LASP1: variants seen among roughly 807,000 people sequenced by gnomAD.
LASP1 encodes LIM and SH3 domain protein 1.
In LASP1, 10 loss-of-function variants were observed where a neutral mutation model predicts 38.6. That is an observed-to-expected ratio of 0.26 (90% CI 0.16 to 0.44). LASP1 has a LOEUF of 0.44. Ranked by LOEUF, LASP1 falls within the 20% of genes least tolerant of loss-of-function variation. The pLI is 1.00. For synonymous variants in LASP1, 132 were observed against 140.8 expected, an observed-to-expected ratio of 0.94 and a Z score of 0.44; for missense variants, 243 against 375.7, an observed-to-expected ratio of 0.65 and a Z score of 2.92.
chr17:38,920,813 G>A lies in LASP1; in HGVS notation c.*2035G>A, dbSNP rs1038972486. On this transcript the variant is annotated 3_prime_UTR_variant, in exon 7 of 7. Transcript: ENST00000318008. ...GCTCGGGGAGGCAGAGAATCTCTTG[G>A]GAGTCTTGGGTGGCGCTGGTGCATT... 4.3e-6 allele frequency: 1 copy of A among 232,810 alleles called. No homozygotes were observed. Among genetic ancestry groups the A allele is most frequent in the African/African-American group, 2.2e-5 (1 of 45,280 alleles). 14.4% of individuals were successfully genotyped at this position (232,810 alleles called of 1,614,324 possible).
rs1915272860 is a variant in LASP1 at position 38,920,623 on chromosome 17, G to A, written c.*1845G>A. ...CCTGTTCAACAATCAGTCATCATGGGTGTTTTTGTCAACTGCTTGTTAATT... is the reference window on the plus strand; with the variant it reads ...CCTGTTCAACAATCAGTCATCATGGATGTTTTTGTCAACTGCTTGTTAATT... On this transcript the variant is annotated 3_prime_UTR_variant, in exon 7 of 7. Coordinates refer to ENST00000318008, the MANE Select transcript of LASP1 (RefSeq NM_006148.4). 1 of 234,270 alleles carries A rather than the reference G, an allele frequency of 4.3e-6. No individual in the cohort carries two copies. The highest frequency in any genetic ancestry group is 8.4e-6 in the Non-Finnish European group (1 of 118,452). The allele number at this position is 234,270 out of a possible 1,614,324, so 14.5% of individuals were successfully genotyped here.
At chr17:38,914,948 G>C in intron 5 of LASP1, 95 bp from the exon 6 acceptor site, 1 of 1,098,946 alleles carries the variant, frequency 9.1e-7, no homozygotes, top group Non-Finnish European at 1.4e-6. Context: ...GGTTGGGGGC[G>C]GGGTGGAAGT....
At chr17:38,915,175 C>A in intron 6 of LASP1, 29 bp downstream of exon 6, 3 of 1,587,606 alleles carry the variant, frequency 1.9e-6, no homozygotes, top group Non-Finnish European at 2.6e-6. Context: ...AGGGGAGAGG[C>A]CAGAGGCAGG....
At chr17:38,892,231 G>A (rs1446101785) in intron 3 of LASP1, among the ~76,000 whole-genome samples, 6 of 152,216 alleles carry the variant, frequency 3.9e-5, no homozygotes, top group East Asian at 3.8e-4. Context: ...GAGTGAATGC[G>A]GATCCAGGAT....
chr17:38,879,861 C>T (rs1183403796), intron 2 of LASP1, among the ~76,000 whole-genome samples: 1 of 152,140 alleles, frequency 6.6e-6, no homozygotes, highest in Non-Finnish European at 1.5e-5. Context: ...AAATCTCAAG[C>T]CCAAGAAGCA....
intron 2 of LASP1, among the ~76,000 whole-genome samples, chr17:38,880,021 A>C (rs1598105281): frequency 6.7e-6 from 1 of 149,188 alleles, no homozygotes; most frequent in African/African-American, 2.5e-5. Flanking sequence ...AACCCCTCCC[A>C]CCCCCACAAG....
At chr17:38,888,262 C>G (rs755535364) in intron 2 of LASP1, among the ~76,000 whole-genome samples, 1 of 151,892 alleles carries the variant, frequency 6.6e-6, no homozygotes, top group Non-Finnish European at 1.5e-5. Flanking sequence ...TAGTCCTGCA[C>G]CAGCTTCAAT....
intron 3 of LASP1, among the ~76,000 whole-genome samples, 200 bp from the exon 4 acceptor site, chr17:38,898,212 A>G (rs1375354976): frequency 2.6e-5 from 4 of 152,182 alleles, no homozygotes; most frequent in African/African-American, 9.7e-5. Flanking sequence ...CTGTGCACCA[A>G]AGACTTGGTA....
In LASP1 at chr17:38,920,099, C is replaced by T; in HGVS notation, c.*1321C>T. 3 of 536,838 alleles carry T rather than the reference C, an allele frequency of 5.6e-6. No homozygotes were observed. Among genetic ancestry groups the T allele is most frequent in the Non-Finnish European group, 1.1e-5 (3 of 276,738 alleles). The allele number at this position is 536,838 out of a possible 1,614,324, so 33.3% of individuals were successfully genotyped here. On this transcript the variant is annotated 3_prime_UTR_variant, in exon 7 of 7. Coordinates refer to ENST00000318008, the MANE Select transcript of LASP1 (RefSeq NM_006148.4). ...GAGTGGAGGAAGCCCACCAATCTGC[C>T]CTTTGCAGTGTGCAGGGTGGAAGGT...
chr17:38,886,168 C>G (rs1260512612), intron 2 of LASP1, among the ~76,000 whole-genome samples: 2 of 151,838 alleles, frequency 1.3e-5, no homozygotes, highest in Admixed American at 1.3e-4. Flanking sequence ...CTCGCTCTCT[C>G]CTCACTCTCT....
chr17:38,912,013 CGAACTCCT>C (rs1191446200), intron 4 of LASP1, among the ~76,000 whole-genome samples: 6 of 152,324 alleles, frequency 3.9e-5, no homozygotes, highest in South Asian at 4.1e-4. Flanking sequence ...AGGCTGGTCT[CGAACTCCT>C]GACCTCAAGT....
At chr17:38,871,898 T>TC (rs1567693321) in intron 1 of LASP1, among the ~76,000 whole-genome samples, 1 of 152,120 alleles carries the variant, frequency 6.6e-6, no homozygotes, top group East Asian at 1.9e-4. Flanking sequence ...TAATGAAGTC[T>TC]CCCCTTGAGA....
chr17:38,900,382 A>G (rs1914609095), intron 4 of LASP1, among the ~76,000 whole-genome samples: 1 of 148,780 alleles, frequency 6.7e-6, no homozygotes, highest in South Asian at 2.1e-4. Context: ...CCTGTTTCCA[A>G]AAAAAAAAAG....
intron 3 of LASP1, 79 bp downstream of exon 3, chr17:38,890,583 G>A: frequency 2.3e-6 from 3 of 1,297,218 alleles, no homozygotes; most frequent in East Asian, 2.3e-5. Context: ...TTTGGCAAGA[G>A]TACCTTCCCC....
intron 4 of LASP1, among the ~76,000 whole-genome samples, chr17:38,900,754 G>T (rs776881932): frequency 4.6e-5 from 7 of 152,196 alleles, no homozygotes; most frequent in Non-Finnish European, 1.0e-4. Context: ...GTTTGAAGTT[G>T]GTGGCCTGAG....
chr17:38,886,380 G>C (rs1032770493), intron 2 of LASP1, among the ~76,000 whole-genome samples: 5 of 152,124 alleles, frequency 3.3e-5, no homozygotes, highest in African/African-American at 1.2e-4. Flanking sequence ...GCCTTCCTCT[G>C]CCTGGGGTTG....
chr17:38,889,359 T>A (rs1351956254), intron 2 of LASP1, among the ~76,000 whole-genome samples: 4 of 152,182 alleles, frequency 2.6e-5, no homozygotes, highest in African/African-American at 9.7e-5. Flanking sequence ...CTTGAACTCC[T>A]GACCTCGTGA....
Position 38,898,479 on chromosome 17 carries a change from A to T in LASP1, c.317A>T (p.Glu106Val). ...KGFSVVADTP[E>V]LQRIKKTQDQ... ...TTCAGCGTAGTGGCAGACACGCCCG[A>T]GCTCCAGAGAATCAAGAAGACCCAG... The change falls in exon 4 of 7, where the codon GAG (glutamate) becomes GTG (valine). Residue 106 changes from glutamate (E) to valine (V), a missense_variant. Glu to Val is a moderately radical substitution (Grantham distance 121, BLOSUM62 -2). Around this residue, in one of 4 missense-constraint regions of LASP1, gnomAD observed 33 missense variants for 39.8 expected, o/e 0.83. Transcript: ENST00000318008. 7 of 1,551,602 alleles carry T rather than the reference A, an allele frequency of 4.5e-6. No individual in the cohort carries two copies. Among genetic ancestry groups the T allele is most frequent in the Non-Finnish European group, 6.1e-6 (7 of 1,146,896 alleles).
Position 38,888,506 on chromosome 17 carries a change from G to A in LASP1, c.165-1914G>A, listed in dbSNP as rs565362739. ...TTAGCCAGGCTGGTCTCGAACTCCT[G>A]GCCTCAAGTGATCCACCTGCTTTGG... On this transcript the variant is annotated intron_variant, in intron 2 of 6. Coordinates refer to ENST00000318008, the MANE Select transcript of LASP1 (RefSeq NM_006148.4). Among the ~76,000 whole-genome samples the A allele has an allele frequency of 1.1e-4, 17 of 152,290 alleles. No individual in the cohort carries two copies. The East Asian group carries it at 3.1e-3, about 28-fold the overall frequency.
Sources: gnomAD v4.1 joint callset for allele counts (sites outside exome capture counted in the v4.1 genomes callset) on GRCh38, gnomAD v4.1.1 for gene constraint, gnomAD v4.1.1 regional missense constraint, MANE v1.5 for transcripts, NCBI Gene and HGNC (gene_info 2026-07-23, HGNC 2026-07-21) for gene names.